Variants in NELL1 observed in about 807,000 individuals in gnomAD.
The protein encoded by NELL1 is neural EGFL like 1.
In NELL1, 76 loss-of-function variants were observed where a neutral mutation model predicts 107.4. The ratio of observed to expected loss-of-function variants is 0.71; its 90% CI spans 0.59 to 0.86. The LOEUF (loss-of-function observed/expected upper bound fraction) is 0.86. NELL1 is among the 40% of genes least tolerant of loss of function. NELL1 has a pLI of 0.00. For missense variants in NELL1, 1,024 were observed against 1,005.5 expected, an observed-to-expected ratio of 1.02 and a Z score of -0.25; for synonymous variants, 353 against 341.2, an observed-to-expected ratio of 1.03 and a Z score of -0.38.
chr11:20,990,422 C>A (rs534015052), intron 12 of NELL1, among the ~76,000 whole-genome samples: 4 of 152,158 alleles, frequency 2.6e-5, no homozygotes, highest in Non-Finnish European at 4.4e-5. Flanking sequence ...CCCACTTGAC[C>A]ATAGAAAACA....
At chr11:20,827,831 TTC>T (rs1319720837) in intron 3 of NELL1, among the ~76,000 whole-genome samples, 1 of 151,280 alleles carries the variant, frequency 6.6e-6, no homozygotes, top group Non-Finnish European at 1.5e-5. Context: ...AAACACAATA[TTC>T]TCTGTGGGGG....
intron 12 of NELL1, among the ~76,000 whole-genome samples, chr11:21,111,629 G>GT (rs1472005784): frequency 1.3e-5 from 2 of 152,020 alleles, no homozygotes; most frequent in Non-Finnish European, 2.9e-5. Context: ...GCTTCCATGG[G>GT]TTACAAGGCA....
intron 14 of NELL1, among the ~76,000 whole-genome samples, chr11:21,230,338 T>G (rs953146988): frequency 1.3e-5 from 2 of 152,218 alleles, no homozygotes; most frequent in Non-Finnish European, 2.9e-5. Context: ...AGATATTATC[T>G]GCCTCCCCAC....
chr11:21,026,969 C>T (rs868864571), intron 12 of NELL1, among the ~76,000 whole-genome samples: 7 of 152,086 alleles, frequency 4.6e-5, no homozygotes, highest in Admixed American at 1.3e-4. Flanking sequence ...GCTTCTTGGG[C>T]TTTTCCTTCC....
chr11:21,434,520 TG>T (rs1853054930), intron 15 of NELL1, among the ~76,000 whole-genome samples: 1 of 152,168 alleles, frequency 6.6e-6, no homozygotes, highest in Non-Finnish European at 1.5e-5. Context: ...GATTTATTTC[TG>T]GGTTCTTTAT....
chr11:21,033,812 C>T (rs965326338), intron 12 of NELL1, among the ~76,000 whole-genome samples: 36 of 152,164 alleles, frequency 2.4e-4, no homozygotes, highest in African/African-American at 8.7e-4. Flanking sequence ...TGAGGAATCA[C>T]CATACTGTCT....
chr11:21,570,692 G>T (rs966372675), intron 17 of NELL1, 72 bp from the exon 18 acceptor site: 5 of 1,483,594 alleles, frequency 3.4e-6, no homozygotes, highest in African/African-American at 1.4e-5. Flanking sequence ...CATCCAAGAA[G>T]TTCATTTCTC....
At chr11:21,040,207 GA>G (rs1326180825) in intron 12 of NELL1, among the ~76,000 whole-genome samples, 2 of 150,926 alleles carry the variant, frequency 1.3e-5, no homozygotes, top group African/African-American at 4.9e-5. Context: ...GGCATCATGT[GA>G]AAAAACTATT....
At chr11:21,185,293 CT>C (rs11446941) in intron 13 of NELL1, among the ~76,000 whole-genome samples, 12,994 of 118,296 alleles carry the variant, frequency 0.11, 604 homozygotes, top group African/African-American at 0.22. Context: ...ATTCCAGTAT[CT>C]TTTTTTTTTT....
intron 15 of NELL1, among the ~76,000 whole-genome samples, chr11:21,491,519 G>A (rs952472793): frequency 4.6e-5 from 7 of 152,086 alleles, no homozygotes; most frequent in East Asian, 1.9e-4. Flanking sequence ...GATAAGCGGC[G>A]CTATTTCTGA....
chr11:21,467,905 T>G (rs1356842959), intron 15 of NELL1, among the ~76,000 whole-genome samples: 1 of 152,006 alleles, frequency 6.6e-6, no homozygotes, highest in Non-Finnish European at 1.5e-5. Context: ...ACCTACTCTA[T>G]TTTTCTCTAA....
chr11:21,058,875 T>C (rs561167316), intron 12 of NELL1, among the ~76,000 whole-genome samples: 1 of 131,948 alleles, frequency 7.6e-6, no homozygotes, highest in South Asian at 2.4e-4. Flanking sequence ...GAACCTAATT[T>C]CTTTCATCTT....
chr11:20,918,756 G>A (rs947857597), intron 6 of NELL1, among the ~76,000 whole-genome samples: 4 of 151,968 alleles, frequency 2.6e-5, no homozygotes, highest in African/African-American at 9.7e-5. Flanking sequence ...GGAATTATGG[G>A]AGCTACAATT....
intron 15 of NELL1, among the ~76,000 whole-genome samples, chr11:21,522,087 A>G (rs1855738897): frequency 6.6e-6 from 1 of 152,088 alleles, no homozygotes; most frequent in South Asian, 2.1e-4. Context: ...GAAAAAAGCC[A>G]TTATATCAAA....
intron 14 of NELL1, among the ~76,000 whole-genome samples, chr11:21,313,538 C>T (rs904402133): frequency 6.6e-6 from 1 of 152,142 alleles, no homozygotes; most frequent in African/African-American, 2.4e-5. Context: ...TGTCTTAGTC[C>T]ATTTTCTCTT....
At chr11:21,309,293 T>TATATATATATA (rs1565160528) in intron 14 of NELL1, among the ~76,000 whole-genome samples, 5 of 79,938 alleles carry the variant, frequency 6.3e-5, no homozygotes, top group South Asian at 3.8e-4. Flanking sequence ...TATATATATA[T>TATATATATATA]ATATATGTAT....
Position 21,340,620 on chromosome 11 carries a change from TACACACACAC to T in NELL1, c.1550-30201_1550-30192del, listed in dbSNP as rs71034506. On this transcript the variant is annotated intron_variant, in intron 14 of 19. Transcript: ENST00000357134. ...GGGCACCTAACCCTTTATGACGGGTTACACACACACACACACACACACACACACACACACA... is the reference window on the plus strand; with the variant it reads ...GGGCACCTAACCCTTTATGACGGGTTACACACACACACACACACACACACA... Among the ~76,000 whole-genome samples the T allele has an allele frequency of 4.8e-3, 678 of 141,730 alleles. 6 individuals are homozygous for T. Among genetic ancestry groups the T allele is most frequent in the South Asian group, 0.014 (58 of 4,198 alleles). 93.0% of individuals were successfully genotyped at this position (141,730 alleles called of 152,430 possible).
chr11:21,075,135 A>G (rs1236760157), intron 12 of NELL1, among the ~76,000 whole-genome samples: 1 of 152,164 alleles, frequency 6.6e-6, no homozygotes, highest in Non-Finnish European at 1.5e-5. Context: ...AGACTTTCAG[A>G]TTATTTATGA....
At chr11:21,510,708 C>T (rs1162936062) in intron 15 of NELL1, among the ~76,000 whole-genome samples, 1 of 152,038 alleles carries the variant, frequency 6.6e-6, no homozygotes, top group Non-Finnish European at 1.5e-5. Flanking sequence ...TTAAGAGTTC[C>T]TTATCCACCA....
Sources: gnomAD v4.1 joint callset for allele counts (sites outside exome capture counted in the v4.1 genomes callset) on GRCh38, gnomAD v4.1.1 for gene constraint, MANE v1.5 for transcripts, NCBI Gene and HGNC (gene_info 2026-07-23, HGNC 2026-07-21) for gene names.